GABRA3: variants seen among roughly 807,000 people sequenced by gnomAD.
The protein encoded by GABRA3 is gamma-aminobutyric acid receptor subunit alpha-3.
GABRA3 carries 10 observed loss-of-function variants against 30.1 expected under a neutral mutation model. That is an observed-to-expected ratio of 0.33 (90% CI 0.20 to 0.56). The LOEUF is 0.56. Among genes scored for constraint, GABRA3 ranks in the 20% least tolerant of loss-of-function variants. The pLI, the probability that GABRA3 is intolerant of heterozygous loss-of-function variation, is 0.89. For missense variants in GABRA3, 233 were observed against 392.0 expected (o/e 0.59, Z 3.42); for synonymous variants, 151 against 146.8 (o/e 1.03, Z -0.21).
At chrX:152,430,326 A>C (rs1930622392) in intron 1 of GABRA3, among the ~76,000 whole-genome samples, 1 of 111,878 alleles carries the variant, frequency 8.9e-6, no homozygotes, top group Non-Finnish European at 1.9e-5. Context: ...GGCAGCCAGA[A>C]GTTCAAGTAC....
chrX:152,208,010 A>G lies in GABRA3; in HGVS notation c.769T>C (p.Ser257Pro). 8.3e-7 allele frequency: 1 copy of G among 1,211,103 alleles called. No homozygotes were observed. The highest frequency in any genetic ancestry group is 1.1e-6 in the Non-Finnish European group (1 of 895,014). The change falls in exon 7 of 10, where the codon TCT becomes CCT. Residue 257 changes from serine to proline, a missense_variant. Ser to Pro is a moderately conservative substitution (Grantham distance 74). Coordinates refer to ENST00000370314, the MANE Select transcript of GABRA3 (RefSeq NM_000808.4). ...GHVVGTEIIR[S>P]STGEYVVMTT... ...AAAATAAGTTAAATACCTGTACTAG[A>G]CCGGATTATCTCTGTCCCAACAACA...
chrX:152,273,557 A>C (rs1432654927), intron 4 of GABRA3, among the ~76,000 whole-genome samples: 2 of 112,576 alleles, frequency 1.8e-5, no homozygotes, highest in Non-Finnish European at 3.8e-5. Flanking sequence ...CCAATGGATG[A>C]ATGCATAAAG....
intron 7 of GABRA3, among the ~76,000 whole-genome samples, chrX:152,207,271 T>C (rs1937560439): frequency 9.0e-6 from 1 of 111,585 alleles, no homozygotes; most frequent in African/African-American, 3.3e-5. Flanking sequence ...GCTTCTATCA[T>C]TTCATAGCAA....
chrX:152,255,723 T>C, intron 5 of GABRA3, 55 bp downstream of exon 5: 2 of 1,059,367 alleles, frequency 1.9e-6, no homozygotes, highest in Non-Finnish European at 2.6e-6. Context: ...ACATTCTGCT[T>C]TCAAGCCCAG....
At chrX:152,424,498 T>C (rs1048828453) in intron 1 of GABRA3, among the ~76,000 whole-genome samples, 4 of 111,615 alleles carry the variant, frequency 3.6e-5, no homozygotes, top group African/African-American at 1.3e-4. Context: ...AGTAGCCAAG[T>C]TTAGCATTTC....
chrX:152,263,165 G>A (rs1938762202), intron 4 of GABRA3, among the ~76,000 whole-genome samples: 1 of 110,501 alleles, frequency 9.0e-6, no homozygotes, highest in Non-Finnish European at 1.9e-5. Context: ...TGACATGTGG[G>A]GATTATGAGA....
At chrX:152,291,060 T>A (rs1332200897) in intron 3 of GABRA3, among the ~76,000 whole-genome samples, 1 of 111,793 alleles carries the variant, frequency 8.9e-6, no homozygotes, top group Non-Finnish European at 1.9e-5. Context: ...AGAAAGTCAT[T>A]GGTAACTTGA....
chrX:152,243,897 A>G (rs144460162), intron 5 of GABRA3, among the ~76,000 whole-genome samples: 1 of 112,335 alleles, frequency 8.9e-6, no homozygotes, highest in African/African-American at 3.2e-5. Context: ...GTCACAGGGT[A>G]AATAATTTCT....
intron 1 of GABRA3, among the ~76,000 whole-genome samples, chrX:152,404,419 G>A (rs1929872608): frequency 9.1e-6 from 1 of 110,276 alleles, no homozygotes; most frequent in Non-Finnish European, 1.9e-5. Flanking sequence ...ACCACCAACA[G>A]AGGCAGACAA....
intron 1 of GABRA3, among the ~76,000 whole-genome samples, chrX:152,371,578 C>T (rs980304212): frequency 1.8e-5 from 2 of 110,678 alleles, no homozygotes; most frequent in Non-Finnish European, 3.8e-5. Context: ...GCAATATCAT[C>T]GATCATTTTG....
intron 9 of GABRA3, among the ~76,000 whole-genome samples, chrX:152,173,666 G>A (rs1012296603): frequency 9.1e-6 from 1 of 110,314 alleles, no homozygotes; most frequent in Admixed American, 9.7e-5. Context: ...CATTTGGTCA[G>A]GCTGGTCTCG....
intron 4 of GABRA3, among the ~76,000 whole-genome samples, chrX:152,280,858 T>C (rs149189438): frequency 1.4e-4 from 16 of 111,043 alleles, no homozygotes; most frequent in Non-Finnish European, 2.3e-4. Context: ...AAATTGGCAT[T>C]TTAAGTTTCC....
intron 5 of GABRA3, among the ~76,000 whole-genome samples, chrX:152,245,468 C>A (rs1938448351): frequency 9.0e-6 from 1 of 111,083 alleles, no homozygotes; most frequent in Admixed American, 9.6e-5. Flanking sequence ...CCCATTAAAT[C>A]TTCAAGCTAT....
intron 3 of GABRA3, among the ~76,000 whole-genome samples, chrX:152,288,540 C>T (rs1467658225): frequency 2.7e-5 from 3 of 112,383 alleles, no homozygotes; most frequent in African/African-American, 9.7e-5. Context: ...GAATAGATCA[C>T]ATGAGCCACC....
In GABRA3 at chrX:152,168,680, C is replaced by A. The variant is rs956033789; in HGVS notation, c.1144-117G>T. On this transcript the variant is annotated intron_variant, in intron 9 of 9. Coordinates refer to ENST00000370314, the MANE Select transcript of GABRA3 (RefSeq NM_000808.4). ...AGGAGCCATGAGGGAAGTTAAGGCA[C>A]AGGGGCCATGTAGCCAATAGCACTA... The A allele has an allele frequency of 1.1e-5, 6 of 528,333 alleles. No homozygotes were observed. In the Admixed American group the frequency reaches 2.1e-4, roughly 19 times the overall value. 43.5% of individuals were successfully genotyped at this position (528,333 alleles called of 1,213,427 possible). A position where few individuals can be genotyped will look rare whatever the true frequency, so the allele number is the denominator to read the frequency against.
intron 4 of GABRA3, among the ~76,000 whole-genome samples, chrX:152,260,489 T>G (rs1290206695): frequency 9.0e-6 from 1 of 111,380 alleles, no homozygotes; most frequent in Non-Finnish European, 1.9e-5. Flanking sequence ...GTGGTGGCCA[T>G]AGGGGTGCTT....
At chrX:152,353,104 A>G (rs1209639380) in intron 2 of GABRA3, among the ~76,000 whole-genome samples, 1 of 110,889 alleles carries the variant, frequency 9.0e-6, no homozygotes, top group African/African-American at 3.3e-5. Flanking sequence ...GATTTTGGCT[A>G]GAATACGCCA....
intron 9 of GABRA3, among the ~76,000 whole-genome samples, chrX:152,182,614 C>A (rs7889821): frequency 6.8e-4 from 1 of 1,465 alleles, no homozygotes; most frequent in Non-Finnish European, 1.4e-3. Flanking sequence ...ACTATATATG[C>A]ATATATAGTA....
chrX:152,387,155 G>A (rs929163031), intron 1 of GABRA3, among the ~76,000 whole-genome samples: 2 of 99,275 alleles, frequency 2.0e-5, no homozygotes, highest in East Asian at 6.7e-4. Flanking sequence ...TGTGGGGTAG[G>A]GGGAGGGGGG....
Sources: gnomAD v4.1 joint callset for allele counts (sites outside exome capture counted in the v4.1 genomes callset) on GRCh38, gnomAD v4.1.1 for gene constraint, MANE v1.5 for transcripts, NCBI Gene and HGNC (gene_info 2026-07-23, HGNC 2026-07-21) for gene names.